The following SGSM2 variants were observed in gnomAD, a reference collection of about 807,000 sequenced individuals.
The protein encoded by SGSM2 is small G protein signaling modulator 2.
SGSM2 carries 89 observed loss-of-function variants against 126.6 expected under a neutral mutation model. That is an observed-to-expected ratio of 0.70 (90% confidence interval 0.59 to 0.84). SGSM2 has a LOEUF of 0.84. Ranked by LOEUF, SGSM2 falls within the 40% of genes least tolerant of loss-of-function variation. SGSM2 has a pLI of 0.00. For missense variants in SGSM2, 1,404 were observed against 1,416.6 expected (o/e 0.99, Z 0.14); for synonymous variants, 614 against 574.3 (o/e 1.07, Z -0.99).
At chr17:2,348,396 G>C (rs1457293223) in intron 2 of SGSM2, among the ~76,000 whole-genome samples, 1 of 152,148 alleles carries the variant, frequency 6.6e-6, no homozygotes, top group Non-Finnish European at 1.5e-5. Flanking sequence ...ACAAAAAGGA[G>C]GAGCGGGTTC....
At chr17:2,371,965 C>T (rs2065891762) in intron 13 of SGSM2, 1 of 564,012 alleles carries the variant, frequency 1.8e-6, no homozygotes, top group African/African-American at 1.9e-5. Flanking sequence ...AGTTCGTTGA[C>T]CAAGATCCCT....
Position 2,363,799 on chromosome 17 carries a change from G to A in SGSM2, c.807+200G>A, listed in dbSNP as rs1384421299. On this transcript the variant is annotated intron_variant, in intron 7 of 23. Coordinates refer to ENST00000268989, the MANE Select transcript of SGSM2 (RefSeq NM_014853.3). The surrounding 1 kb of genome is among the most constrained non-coding windows in gnomAD (Gnocchi z 4.2). ...GGGACAGGAATGGCAGCCAGCAGGC[G>A]AGGGGAGTCCGCAGTGTGGGTATGG... 14 of 886,128 alleles carry A rather than the reference G, an allele frequency of 1.6e-5. No homozygotes were observed. Among genetic ancestry groups the A allele is most frequent in the African/African-American group, 1.2e-4 (7 of 59,366 alleles). The allele number at this position is 886,128 out of a possible 1,614,324, so 54.9% of individuals were successfully genotyped here.
chr17:2,376,772 C>T lies in SGSM2; in HGVS notation c.2649C>T (p.Gly883=). 1 of 1,614,100 alleles carries T rather than the reference C, an allele frequency of 6.2e-7. No individual in the cohort carries two copies. The highest frequency in any genetic ancestry group is 2.2e-5 in the East Asian group (1 of 44,880). The change falls in exon 20 of 24, where the codon GGC becomes GGT. Residue 883 remains glycine (G), a synonymous_variant. Transcript: ENST00000268989. ...WEHLDVGYVQ[G]MCDLLAPLLV... ...ACCTGGACGTGGGCTATGTGCAGGG[C>T]ATGTGCGATCTGCTGGCGCCTCTCC...
chr17:2,353,261 T>A (rs1323293583), intron 2 of SGSM2, among the ~76,000 whole-genome samples: 1 of 152,002 alleles, frequency 6.6e-6, no homozygotes, highest in African/African-American at 2.4e-5. Flanking sequence ...CCACAGATCC[T>A]GTTTGTTGAG....
chr17:2,349,724 A>G (rs1294192325), intron 2 of SGSM2, among the ~76,000 whole-genome samples: 3 of 151,870 alleles, frequency 2.0e-5, no homozygotes, highest in African/African-American at 7.3e-5. Context: ...TAATGAGTAC[A>G]TGGGCAGCTG....
intron 12 of SGSM2, among the ~76,000 whole-genome samples, chr17:2,368,573 G>C (rs977684648): frequency 6.6e-6 from 1 of 152,178 alleles, no homozygotes; most frequent in Non-Finnish European, 1.5e-5. Context: ...AGGCAGGACG[G>C]CCTGGTCTGT....
intron 2 of SGSM2, among the ~76,000 whole-genome samples, chr17:2,349,765 G>A (rs111709302): frequency 4.6e-5 from 7 of 151,238 alleles, no homozygotes; most frequent in African/African-American, 1.7e-4. Context: ...TCTGTATATG[G>A]TTGGAATTTT....
intron 2 of SGSM2, among the ~76,000 whole-genome samples, chr17:2,361,276 A>T (rs949129467): frequency 5.3e-5 from 8 of 152,214 alleles, no homozygotes; most frequent in African/African-American, 1.9e-4. Flanking sequence ...AAGGCTCCCG[A>T]GTCGGGTGTT....
At position 2,367,149 on chromosome 17, in the gene SGSM2, C is replaced by A; in HGVS notation, c.1289-122C>A. ...GCTTTCTGGTCCCCTCCCTTCCCCT[C>A]TTCTGTGCCCTGCAGATTCACGATG... is the stretch of plus-strand genomic sequence containing the variant. On this transcript the variant is annotated intron_variant, in intron 11 of 23. Transcript: ENST00000268989. The surrounding 1 kb of genome is among the most constrained non-coding windows in gnomAD (Gnocchi z 4.0). The A allele has an allele frequency of 8.5e-7, 1 of 1,176,620 alleles. No homozygotes were observed. The highest frequency in any genetic ancestry group is 1.5e-5 in the African/African-American group (1 of 65,192). The allele number at this position is 1,176,620 out of a possible 1,614,324, so 72.9% of individuals were successfully genotyped here.
intron 22 of SGSM2, among the ~76,000 whole-genome samples, chr17:2,378,786 C>T (rs2066289553): frequency 6.6e-6 from 1 of 152,212 alleles, no homozygotes; most frequent in African/African-American, 2.4e-5. Flanking sequence ...GTACGGGGTA[C>T]AGAACCCCCA....
intron 2 of SGSM2, among the ~76,000 whole-genome samples, chr17:2,353,410 A>T (rs1346661239): frequency 6.6e-6 from 1 of 152,148 alleles, no homozygotes; most frequent in Non-Finnish European, 1.5e-5. Context: ...CTCAATTATT[A>T]TAATTAATTT....
chr17:2,350,542 G>A (rs1243370745), intron 2 of SGSM2, among the ~76,000 whole-genome samples: 2 of 151,922 alleles, frequency 1.3e-5, no homozygotes, highest in East Asian at 2.0e-4. Flanking sequence ...CCCAGGTGGT[G>A]GAGGTTGCAG....
chr17:2,377,723 G>A (rs1235164653), intron 21 of SGSM2, 134 bp from the exon 22 acceptor site: 4 of 655,922 alleles, frequency 6.1e-6, no homozygotes, highest in African/African-American at 3.6e-5. Flanking sequence ...GCACCGCGCA[G>A]CACAGGGCAA....
Position 2,380,252 on chromosome 17 carries a change from C to T in SGSM2, c.*732C>T, listed in dbSNP as rs771866280. On this transcript the variant is annotated 3_prime_UTR_variant, in exon 24 of 24. Coordinates refer to ENST00000268989, the MANE Select transcript of SGSM2 (RefSeq NM_014853.3). ...CCTCGCTCCTGCCACCCCACCCTTGCGTTCTGCATTAGGTACTTCCCTGAA... is the reference window on the plus strand; with the variant it reads ...CCTCGCTCCTGCCACCCCACCCTTGTGTTCTGCATTAGGTACTTCCCTGAA... 6 of 1,535,898 alleles carry T rather than the reference C, an allele frequency of 3.9e-6. No homozygotes were observed. Among genetic ancestry groups the T allele is most frequent in the East Asian group, 4.9e-5 (2 of 40,918 alleles).
rs142750033 is a variant in SGSM2 at position 2,373,184 on chromosome 17, A to C, written c.1917+103A>C. 1.9e-5 allele frequency: 30 copies of C among 1,560,316 alleles called. No individual in the cohort carries two copies. The African/African-American group carries it at 2.2e-4, about 11-fold the overall frequency. ...CCTCAGCCCCTTCCCAGCCGGAAAG[A>C]AGCATGGCAGGGCAGCTCCACCGTC... On this transcript the variant is annotated intron_variant, in intron 16 of 23. Transcript: ENST00000268989.
intron 1 of SGSM2, among the ~76,000 whole-genome samples, chr17:2,340,654 A>G (rs557502137): frequency 5.9e-4 from 89 of 149,760 alleles, no homozygotes; most frequent in African/African-American, 9.6e-4. Flanking sequence ...GCGCCATCTC[A>G]GCTCACTGCA....
intron 2 of SGSM2, among the ~76,000 whole-genome samples, chr17:2,354,944 A>G (rs62067004): frequency 9.8e-5 from 10 of 102,006 alleles, no homozygotes; most frequent in African/African-American, 1.0e-4. Flanking sequence ...AGCGTTGGGG[A>G]AGGGACCCCA....
At chr17:2,351,142 A>G (rs1483652370) in intron 2 of SGSM2, among the ~76,000 whole-genome samples, 1 of 151,990 alleles carries the variant, frequency 6.6e-6, no homozygotes, top group Non-Finnish European at 1.5e-5. Context: ...AATCCCAGCT[A>G]CTTGGGAGGC....
At chr17:2,360,050 T>C (rs897159616) in intron 2 of SGSM2, among the ~76,000 whole-genome samples, 1 of 152,118 alleles carries the variant, frequency 6.6e-6, no homozygotes, top group Non-Finnish European at 1.5e-5. Flanking sequence ...AGCCAAAGAT[T>C]TCCCCATGTG....
Sources: gnomAD v4.1 joint callset for allele counts (sites outside exome capture counted in the v4.1 genomes callset) on GRCh38, gnomAD v4.1.1 for gene constraint, Gnocchi (gnomAD v3.1) non-coding constraint, MANE v1.5 for transcripts, NCBI Gene and HGNC (gene_info 2026-07-23, HGNC 2026-07-21) for gene names.